Variants in FARP1 observed in about 807,000 individuals in gnomAD.
FARP1 encodes FERM, ARHGEF and pleckstrin domain-containing protein 1.
FARP1 carries 52 observed loss-of-function variants against 128.8 expected under a neutral mutation model. That is an observed-to-expected ratio of 0.40 (90% CI 0.32 to 0.51). The LOEUF is 0.51. FARP1 is among the 20% of genes least tolerant of loss of function. The pLI, the probability that FARP1 is intolerant of heterozygous loss-of-function variation, is 0.45. For synonymous variants in FARP1, 580 were observed against 551.8 expected (o/e 1.05, Z -0.72); for missense variants, 1,333 against 1,367.9 (o/e 0.97, Z 0.40).
intron 2 of FARP1, among the ~76,000 whole-genome samples, chr13:98,313,070 A>G (rs1886548212): frequency 6.6e-6 from 1 of 151,816 alleles, no homozygotes; most frequent in African/African-American, 2.4e-5. Flanking sequence ...TGAAGATGTA[A>G]GTTAAAGTGA....
chr13:98,174,115 C>A (rs74961544), intron 1 of FARP1, among the ~76,000 whole-genome samples: 9,291 of 152,256 alleles, frequency 0.061, 924 homozygotes, highest in African/African-American at 0.21. Flanking sequence ...GGCCAAAATG[C>A]TAGCAGATTT....
intron 2 of FARP1, among the ~76,000 whole-genome samples, chr13:98,240,116 A>C (rs531000261): frequency 1.2e-4 from 18 of 152,194 alleles, no homozygotes; most frequent in African/African-American, 4.3e-4. Context: ...CTACCCTTGC[A>C]CGGGGTCACC....
chr13:98,318,267 C>G (rs1390858894), intron 2 of FARP1, among the ~76,000 whole-genome samples: 1 of 151,698 alleles, frequency 6.6e-6, no homozygotes, highest in African/African-American at 2.4e-5. Flanking sequence ...CTGTGTTGTT[C>G]AGGCTGGTCT....
chr13:98,361,426 T>G (rs975149818), intron 3 of FARP1, among the ~76,000 whole-genome samples: 1 of 152,228 alleles, frequency 6.6e-6, no homozygotes, highest in Non-Finnish European at 1.5e-5. Flanking sequence ...AGAGGAGAGA[T>G]GTTTAAAAAC....
At chr13:98,363,850 T>A (rs1297110866) in intron 3 of FARP1, among the ~76,000 whole-genome samples, 1 of 152,182 alleles carries the variant, frequency 6.6e-6, no homozygotes, top group African/African-American at 2.4e-5. Context: ...CAAGTGATTC[T>A]CCTGCCTCAG....
At chr13:98,173,895 A>T (rs1877816769) in intron 1 of FARP1, among the ~76,000 whole-genome samples, 1 of 152,072 alleles carries the variant, frequency 6.6e-6, no homozygotes, top group South Asian at 2.1e-4. Flanking sequence ...CTGATGGGGG[A>T]CTGTCCTCAT....
chr13:98,235,172 C>T (rs1882343284), intron 2 of FARP1, among the ~76,000 whole-genome samples: 1 of 152,102 alleles, frequency 6.6e-6, no homozygotes. Flanking sequence ...GGTGGAGCTG[C>T]TTGGCATTTT....
chr13:98,249,573 T>G (rs1200902487), intron 2 of FARP1, among the ~76,000 whole-genome samples: 1 of 152,196 alleles, frequency 6.6e-6, no homozygotes, highest in East Asian at 1.9e-4. Flanking sequence ...AGAAGTCTTG[T>G]GTTTCCCCAC....
At chr13:98,150,224 T>A (rs1325010897) in intron 1 of FARP1, among the ~76,000 whole-genome samples, 2 of 151,840 alleles carry the variant, frequency 1.3e-5, no homozygotes, top group Non-Finnish European at 2.9e-5. Flanking sequence ...AGAGATGGGG[T>A]TTCACCATGT....
At chr13:98,253,384 A>G (rs1367944620) in intron 2 of FARP1, among the ~76,000 whole-genome samples, 1 of 152,196 alleles carries the variant, frequency 6.6e-6, no homozygotes, top group Admixed American at 6.5e-5. Flanking sequence ...CTCGCAGGAA[A>G]TGCCCATAGC....
intron 1 of FARP1, among the ~76,000 whole-genome samples, chr13:98,144,662 C>T (rs1268937089): frequency 2.0e-5 from 3 of 152,272 alleles, no homozygotes; most frequent in African/African-American, 4.8e-5. Flanking sequence ...TGGTGACTTG[C>T]GGAGCCCATT....
chr13:98,214,351 A>G (rs1160376134), intron 2 of FARP1, among the ~76,000 whole-genome samples: 2 of 151,998 alleles, frequency 1.3e-5, no homozygotes, highest in Non-Finnish European at 1.5e-5. Flanking sequence ...CCTCGGATCT[A>G]GTATTTTGGG....
intron 2 of FARP1, among the ~76,000 whole-genome samples, chr13:98,287,098 A>G (rs1340751592): frequency 6.6e-6 from 1 of 152,140 alleles, no homozygotes; most frequent in Non-Finnish European, 1.5e-5. Flanking sequence ...GCTTTGCACT[A>G]CAGATACAAA....
chr13:98,365,338 T>C, intron 3 of FARP1, 57 bp from the exon 4 acceptor site: 1 of 1,324,878 alleles, frequency 7.5e-7, no homozygotes, highest in Non-Finnish European at 1.1e-6. Flanking sequence ...AATCTCAAAA[T>C]ACTTGCACTC....
chr13:98,273,897 C>A (rs1402666844), intron 2 of FARP1, among the ~76,000 whole-genome samples: 2 of 152,150 alleles, frequency 1.3e-5, no homozygotes, highest in South Asian at 2.1e-4. Context: ...TTCTTTCCCC[C>A]ACAAAAGGAA....
chr13:98,249,657 C>T (rs1261874620), intron 2 of FARP1, among the ~76,000 whole-genome samples: 2 of 152,098 alleles, frequency 1.3e-5, no homozygotes, highest in Non-Finnish European at 2.9e-5. Context: ...TAATGTCACT[C>T]AGGCCTATGT....
rs576730364 is a variant in FARP1 at position 98,351,802 on chromosome 13, G to A, written c.276+7936G>A. Among the ~76,000 whole-genome samples the A allele has an allele frequency of 2.6e-4, 40 of 152,008 alleles. No individual in the cohort carries two copies. The South Asian group carries it at 7.7e-3, about 29-fold the overall frequency. ...GGCACCACACACAAACAGCCGGATC[G>A]CCCATGGACTCTGCGTGGAAACATG... On this transcript the variant is annotated intron_variant, in intron 3 of 26. Transcript: ENST00000319562.
Position 98,454,888 on chromosome 13 carries a change from A to G in FARP1, c.*6571A>G, listed in dbSNP as rs1463458463. 1 of 151,068 alleles carries G rather than the reference A, an allele frequency of 6.6e-6. No individual in the cohort carries two copies. The highest frequency in any genetic ancestry group is 2.5e-5 in the African/African-American group (1 of 40,262). The allele number at this position is 151,068 out of a possible 1,614,324, so 9.4% of individuals were successfully genotyped here. A position where few individuals can be genotyped will look rare whatever the true frequency, so the allele number is the denominator to read the frequency against. On this transcript the variant is annotated 3_prime_UTR_variant, in exon 27 of 27. Coordinates refer to ENST00000319562, the MANE Select transcript of FARP1 (RefSeq NM_005766.4). ...GGAAAGAGGGCACTCCTCATCACAG[A>G]CAAAGGAAAGAGAGCACCAACTTGG...
intron 3 of FARP1, among the ~76,000 whole-genome samples, chr13:98,360,090 C>CTTTTTTTT (rs55859311): frequency 8.6e-5 from 9 of 104,602 alleles, no homozygotes; most frequent in East Asian, 3.3e-4. Flanking sequence ...GATTGTGTTG[C>CTTTTTTTT]TTTTTTTTTT....
Sources: gnomAD v4.1 joint callset for allele counts (sites outside exome capture counted in the v4.1 genomes callset) on GRCh38, gnomAD v4.1.1 for gene constraint, MANE v1.5 for transcripts, NCBI Gene and HGNC (gene_info 2026-07-23, HGNC 2026-07-21) for gene names.